The following RGL1 variants were observed in gnomAD, a reference collection of about 807,000 sequenced individuals.
The protein encoded by RGL1 is ral guanine nucleotide dissociation stimulator-like 1.
Under a neutral mutation model 95.2 loss-of-function variants are expected in RGL1, and 24 were observed. That is an observed-to-expected ratio of 0.25 (90% CI 0.18 to 0.35). RGL1 has a LOEUF of 0.35. Ranked by LOEUF, RGL1 falls within the 10% of genes least tolerant of loss-of-function variation. The pLI is 1.00. For missense variants in RGL1, 715 were observed against 936.3 expected, an observed-to-expected ratio of 0.76 and a Z score of 3.08; for synonymous variants, 329 against 344.9, an observed-to-expected ratio of 0.95 and a Z score of 0.51.
chr1:183,926,027 C>A, intron 17 of RGL1, 78 bp from the exon 18 acceptor site: 1 of 1,271,774 alleles, frequency 7.9e-7, no homozygotes, highest in Non-Finnish European at 1.1e-6. Context: ...TGTGTCTGGG[C>A]AAGGTTTACA....
rs1553273628 is a variant in RGL1, at chr1:183,713,382, C to CG, written c.-32-28744_-32-28743insG. Among the ~76,000 whole-genome samples, 12 of 134,852 alleles carry CG rather than the reference C, an allele frequency of 8.9e-5. 2 individuals carry two copies. In the South Asian group the frequency reaches 2.8e-3, roughly 31 times the overall value. 88.5% of individuals were successfully genotyped at this position (134,852 alleles called of 152,430 possible). ...GAAAAAAAAATCTAGAGGCACCCCC[C>CG]CCCCCCGCTTTTATAATGACCCTTT... On this transcript the variant is annotated intron_variant, in intron 1 of 18. Transcript: ENST00000304685.
At chr1:183,702,132 A>C (rs949120138) in intron 1 of RGL1, among the ~76,000 whole-genome samples, 4 of 152,198 alleles carry the variant, frequency 2.6e-5, no homozygotes, top group African/African-American at 4.8e-5. Context: ...TTTGTTTTTT[A>C]TCTCACTAAA....
chr1:183,818,857 T>C (rs1662260525), intron 2 of RGL1, among the ~76,000 whole-genome samples: 1 of 152,230 alleles, frequency 6.6e-6, no homozygotes, highest in African/African-American at 2.4e-5. Flanking sequence ...GCTTATATTT[T>C]ATACTCCAAC....
chr1:183,652,837 C>T (rs1650864536), intron 1 of RGL1, among the ~76,000 whole-genome samples: 1 of 152,036 alleles, frequency 6.6e-6, no homozygotes, highest in Non-Finnish European at 1.5e-5. Context: ...GGAGGGCTCT[C>T]TGCATCTGGC....
intron 1 of RGL1, among the ~76,000 whole-genome samples, chr1:183,649,099 A>AT: frequency 6.6e-6 from 1 of 152,352 alleles, no homozygotes; most frequent in South Asian, 2.1e-4. Flanking sequence ...CTGGTTTTAA[A>AT]TTTGGGCTTG....
chr1:183,654,865 A>G (rs550247395), intron 1 of RGL1, among the ~76,000 whole-genome samples: 25 of 152,238 alleles, frequency 1.6e-4, no homozygotes, highest in African/African-American at 5.8e-4. Flanking sequence ...ATGTAGGAAG[A>G]CTCCAAGGAA....
chr1:183,748,486 A>G (rs909994369), intron 2 of RGL1, among the ~76,000 whole-genome samples: 61 of 140,958 alleles, frequency 4.3e-4, no homozygotes, highest in Admixed American at 7.7e-4. Flanking sequence ...GCTCACTGCA[A>G]GCTCTGCCTC....
chr1:183,846,353 T>C (rs1276968307), intron 2 of RGL1, among the ~76,000 whole-genome samples: 2 of 144,972 alleles, frequency 1.4e-5, no homozygotes, highest in South Asian at 2.2e-4. Flanking sequence ...TGAGGACATA[T>C]GGACACAGAG....
chr1:183,848,479 A>G (rs933677701), intron 3 of RGL1, among the ~76,000 whole-genome samples: 4 of 152,210 alleles, frequency 2.6e-5, no homozygotes, highest in African/African-American at 7.2e-5. Context: ...TAGAATCAGG[A>G]GAATCCTCAT....
intron 1 of RGL1, among the ~76,000 whole-genome samples, chr1:183,712,856 C>T (rs12022545): frequency 0.035 from 5,358 of 152,226 alleles, 107 homozygotes; most frequent in East Asian, 0.081. Context: ...GTTGAAAAGT[C>T]CCTGTGGAAT....
intron 14 of RGL1, among the ~76,000 whole-genome samples, chr1:183,908,670 G>T (rs1668478342): frequency 6.6e-6 from 1 of 152,176 alleles, no homozygotes; most frequent in Admixed American, 6.6e-5. Flanking sequence ...CAGGGAATCA[G>T]CTCCCTGATA....
chr1:183,694,695 T>C (rs1282451079), intron 1 of RGL1, among the ~76,000 whole-genome samples: 4 of 152,234 alleles, frequency 2.6e-5, no homozygotes, highest in African/African-American at 9.6e-5. Flanking sequence ...TAACTCAGAT[T>C]TGCAGATCTG....
chr1:183,638,259 A>G (rs557094759), intron 1 of RGL1, among the ~76,000 whole-genome samples: 1 of 152,314 alleles, frequency 6.6e-6, no homozygotes, highest in Non-Finnish European at 1.5e-5. Flanking sequence ...ATTTTGCTCT[A>G]TATGTTTAAT....
intron 1 of RGL1, among the ~76,000 whole-genome samples, chr1:183,689,473 C>T (rs1213253226): frequency 6.6e-6 from 1 of 152,164 alleles, no homozygotes; most frequent in African/African-American, 2.4e-5. Context: ...CTATTTCAAG[C>T]ACCCTGTTCT....
intron 2 of RGL1, among the ~76,000 whole-genome samples, chr1:183,809,208 G>T (rs146358477): frequency 1.8e-3 from 267 of 152,300 alleles, no homozygotes; most frequent in African/African-American, 6.1e-3. Flanking sequence ...ATGCCTAAAA[G>T]ATGGAACATA....
intron 15 of RGL1, 75 bp from the exon 16 acceptor site, chr1:183,916,372 C>T: frequency 4.5e-6 from 7 of 1,550,162 alleles, no homozygotes; most frequent in Non-Finnish European, 6.2e-6. Context: ...TGATATCTAC[C>T]TCTGCTTTGA....
chr1:183,877,312 G>T (rs1311751674), intron 4 of RGL1, among the ~76,000 whole-genome samples: 4 of 152,228 alleles, frequency 2.6e-5, no homozygotes. Context: ...ATATAAGTTA[G>T]ATCTTAGGAC....
intron 1 of RGL1, among the ~76,000 whole-genome samples, chr1:183,685,707 G>A (rs1311060141): frequency 6.6e-6 from 1 of 152,106 alleles, no homozygotes; most frequent in African/African-American, 2.4e-5. Flanking sequence ...GTCAAAGCAT[G>A]GCAAGTATAT....
chr1:183,898,602 C>T (rs974250021), intron 10 of RGL1, among the ~76,000 whole-genome samples: 1 of 152,150 alleles, frequency 6.6e-6, no homozygotes, highest in Non-Finnish European at 1.5e-5. Flanking sequence ...GAAAGCTCAA[C>T]GTAAGTAAGA....
Sources: allele counts gnomAD v4.1 joint callset (sites outside exome capture counted in the v4.1 genomes callset), GRCh38; gene constraint gnomAD v4.1.1; transcripts MANE v1.5; gene names NCBI Gene and HGNC (gene_info 2026-07-23, HGNC 2026-07-21).